LIPG: variants seen among roughly 807,000 people sequenced by gnomAD.
LIPG encodes the protein endothelial lipase.
LIPG carries 34 observed loss-of-function variants against 51.8 expected under a neutral mutation model. The observed-to-expected ratio is 0.66, with a 90% CI of 0.50 to 0.87. The LOEUF (loss-of-function observed/expected upper bound fraction) is 0.87, where lower values mean the gene tolerates loss of function less well. Ranked by LOEUF, LIPG falls within the 40% of genes least tolerant of loss-of-function variation. The probability of loss-of-function intolerance (pLI) is 0.00; values close to 1 mark genes in which losing one functional copy is unlikely to be tolerated. For synonymous variants in LIPG, 246 were observed against 246.1 expected, an observed-to-expected ratio of 1.00 and a Z score of 0.00; for missense variants, 580 against 652.7, an observed-to-expected ratio of 0.89 and a Z score of 1.21.
intron 1 of LIPG, among the ~76,000 whole-genome samples, chr18:49,564,125 CT>C (rs1386315653): frequency 6.6e-6 from 1 of 152,164 alleles, no homozygotes; most frequent in African/African-American, 2.4e-5. Flanking sequence ...ATTCTTCCCC[CT>C]CTCTCCCTCC....
Position 49,579,782 on chromosome 18 carries a change from T to TC in LIPG, c.794-1632dup, listed in dbSNP as rs2084796562. ...TCCTTTCCTTTCTTTTCTTTTCTTT[T>TC]CTTTTCTTTTCTTTTCTTTTCTTTT... On this transcript the variant is annotated intron_variant, in intron 5 of 9. Transcript: ENST00000261292. Among the ~76,000 whole-genome samples the TC allele has an allele frequency of 6.8e-3, 539 of 78,742 alleles. 15 individuals are homozygous for TC. Among genetic ancestry groups the TC allele is most frequent in the African/African-American group, 0.022 (455 of 21,008 alleles). The allele number at this position is 78,742 out of a possible 152,430, so 51.7% of individuals were successfully genotyped here. A position where few individuals can be genotyped will look rare whatever the true frequency, so the allele number is the denominator to read the frequency against.
At chr18:49,578,355 C>G (rs1309932433) in intron 5 of LIPG, among the ~76,000 whole-genome samples, 1 of 135,744 alleles carries the variant, frequency 7.4e-6, no homozygotes, top group African/African-American at 2.9e-5. Context: ...GGGTCTCGGC[C>G]GGGCAGAGGC....
intron 9 of LIPG, among the ~76,000 whole-genome samples, chr18:49,588,501 T>C (rs1207190328): frequency 2.6e-5 from 4 of 152,142 alleles, no homozygotes; most frequent in Non-Finnish European, 5.9e-5. Context: ...CAAGTTACCA[T>C]GTTGGCCAAG....
intron 7 of LIPG, 30 bp downstream of exon 7, chr18:49,582,512 G>A (rs1002125725): frequency 7.4e-6 from 12 of 1,613,950 alleles, no homozygotes; most frequent in Admixed American, 3.3e-5. Context: ...TGCTGGGTTC[G>A]GGACAGAGAA....
chr18:49,583,309 G>GGT (rs2084843712), intron 7 of LIPG, among the ~76,000 whole-genome samples: 1 of 152,138 alleles, frequency 6.6e-6, no homozygotes, highest in South Asian at 2.1e-4. Flanking sequence ...GGGTGGAGGG[G>GGT]GTGCCCAGGA....
intron 9 of LIPG, among the ~76,000 whole-genome samples, chr18:49,587,527 C>T (rs145957017): frequency 0.031 from 4,379 of 141,658 alleles, 226 homozygotes; most frequent in African/African-American, 0.11. Flanking sequence ...TGAGATTGCA[C>T]CACTGCACTC....
chr18:49,595,520 G>A lies in LIPG; in HGVS notation c.*4998G>A, dbSNP rs1357878601. ...TTTGTAAACATTTGAATTGATAAGAGGACAGTGTGAGACAAAAATAAAATC... is the reference window on the plus strand; with the variant it reads ...TTTGTAAACATTTGAATTGATAAGAAGACAGTGTGAGACAAAAATAAAATC... On this transcript the variant is annotated 3_prime_UTR_variant, in exon 10 of 10. Coordinates refer to ENST00000261292, the MANE Select transcript of LIPG (RefSeq NM_006033.4). 6.6e-6 allele frequency: 1 copy of A among 152,082 alleles called. No individual in the cohort carries two copies. Among genetic ancestry groups the A allele is most frequent in the African/African-American group, 2.4e-5 (1 of 41,410 alleles). The allele number at this position is 152,082 out of a possible 1,614,324, so 9.4% of individuals were successfully genotyped here.
rs2084618076 is a variant in LIPG, at chr18:49,567,475, C to T, written c.313C>T (p.Leu105Phe). The part of the protein sequence containing the change: ...SGIFENWLHK[L>F]VSALHTREKD... Reference sequence around the variant, plus strand: ...TATCTTTGAAAACTGGCTGCACAAACTCGTGTCAGCCCTGCACACAAGAGA... The same window carrying T: ...TATCTTTGAAAACTGGCTGCACAAATTCGTGTCAGCCCTGCACACAAGAGA... Residue 105 changes from leucine (L) to phenylalanine (F), a missense_variant, in exon 3 of 10, where the codon CTC becomes TTC. Transcript: ENST00000261292. 4 of 1,614,106 alleles carry T rather than the reference C, an allele frequency of 2.5e-6. No individual in the cohort carries two copies. Among genetic ancestry groups the T allele is most frequent in the Non-Finnish European group, 2.5e-6 (3 of 1,180,050 alleles).
chr18:49,571,400 C>T (rs894587549), intron 4 of LIPG, among the ~76,000 whole-genome samples: 1 of 152,166 alleles, frequency 6.6e-6, no homozygotes, highest in Non-Finnish European at 1.5e-5. Context: ...CAGTTCTTTC[C>T]CCCTGCCTGT....
intron 5 of LIPG, among the ~76,000 whole-genome samples, chr18:49,580,083 G>A (rs558742747): frequency 5.3e-5 from 8 of 152,248 alleles, no homozygotes; most frequent in African/African-American, 1.7e-4. Flanking sequence ...CAAAGTGCTG[G>A]GATTACAGGT....
intron 4 of LIPG, among the ~76,000 whole-genome samples, chr18:49,573,090 C>T (rs967950802): frequency 3.3e-5 from 5 of 152,340 alleles, no homozygotes; most frequent in Admixed American, 3.3e-4. Context: ...GCCTGTGAAA[C>T]CCCATCAGCT....
At position 49,575,576 on chromosome 18, in the gene LIPG, C is replaced by T; in HGVS notation, c.779C>T (p.Ser260Leu). Residue 260 changes from serine to leucine, a missense_variant, in exon 5 of 10, where the codon TCA becomes TTA. Coordinates refer to ENST00000261292, the MANE Select transcript of LIPG (RefSeq NM_006033.4). ...PGCGLNDVLG[S>L]IAYGTITEVV... is the part of the protein sequence containing the mutation. ...TGTGGACTCAACGATGTCTTGGGAT[C>T]AATTGCATATGGAAGTGAGTTCCCT... is the stretch of plus-strand genomic sequence containing the variant. 1 of 1,613,962 alleles carries T rather than the reference C, an allele frequency of 6.2e-7. No homozygotes were observed. The highest frequency in any genetic ancestry group is 2.2e-5 in the East Asian group (1 of 44,884).
chr18:49,581,749 G>T (rs1052506180), intron 6 of LIPG, 92 bp downstream of exon 6: 1 of 1,486,452 alleles, frequency 6.7e-7, no homozygotes, highest in African/African-American at 1.4e-5. Flanking sequence ...CCTAGCCCAG[G>T]AGAAGTGGCC....
intron 6 of LIPG, 142 bp from the exon 7 acceptor site, chr18:49,582,220 A>C (rs1333912902): frequency 2.1e-6 from 2 of 957,928 alleles, no homozygotes; most frequent in African/African-American, 3.2e-5. Context: ...GGACAGAACA[A>C]GAGCAGATGG....
rs918065813 is a variant in LIPG at position 49,593,449 on chromosome 18, T to A, written c.*2927T>A. ...AGCTTGAAGGCCTGAAGGTGGATGT[T>A]AGGAAGAACAGGGAGCATGGCTGGA... On this transcript the variant is annotated 3_prime_UTR_variant, in exon 10 of 10. Transcript: ENST00000261292. 1 of 152,196 alleles carries A rather than the reference T, an allele frequency of 6.6e-6. No individual in the cohort carries two copies. Among genetic ancestry groups the A allele is most frequent in the Non-Finnish European group, 1.5e-5 (1 of 68,044 alleles). The allele number at this position is 152,196 out of a possible 1,614,324, so 9.4% of individuals were successfully genotyped here.
chr18:49,586,990 C>T (rs557254554), intron 9 of LIPG, 140 bp downstream of exon 9: 18 of 685,706 alleles, frequency 2.6e-5, no homozygotes, highest in South Asian at 4.8e-5. Flanking sequence ...GAAGTTGGGC[C>T]GGGCGTGGTG....
At chr18:49,569,698 CAAGA>C in intron 4 of LIPG, 150 bp downstream of exon 4, 1 of 686,934 alleles carries the variant, frequency 1.5e-6, no homozygotes, top group Non-Finnish European at 2.5e-6. Flanking sequence ...TTTTTAGTCA[CAAGA>C]AACTTTTTTT....
intron 9 of LIPG, 37 bp downstream of exon 9, chr18:49,586,887 C>A: frequency 1.4e-6 from 2 of 1,437,666 alleles, no homozygotes; most frequent in Non-Finnish European, 2.0e-6. Context: ...ACCCAGGACA[C>A]GTTGACATGA....
intron 9 of LIPG, chr18:49,589,366 A>G (rs1348950457): frequency 6.6e-6 from 1 of 152,208 alleles, no homozygotes; most frequent in African/African-American, 2.4e-5. Flanking sequence ...ATGTATTTAA[A>G]TGTGTACATT....
Sources: gnomAD v4.1 joint callset for allele counts (sites outside exome capture counted in the v4.1 genomes callset) on GRCh38, gnomAD v4.1.1 for gene constraint, MANE v1.5 for transcripts, NCBI Gene and HGNC (gene_info 2026-07-23, HGNC 2026-07-21) for gene names.